Variants in RLIM observed in about 807,000 individuals in gnomAD.
RLIM encodes E3 ubiquitin-protein ligase RLIM.
A neutral mutation model predicts 34.0 loss-of-function variants in RLIM; 2 were observed. That is an observed-to-expected ratio of 0.06 (90% CI 0.02 to 0.19). The LOEUF (loss-of-function observed/expected upper bound fraction) is 0.19. RLIM is among the 10% of genes least tolerant of loss of function. The pLI is 1.00. For synonymous variants in RLIM, 169 were observed against 164.0 expected (o/e 1.03, Z -0.23); for missense variants, 286 against 479.7 (o/e 0.60, Z 3.77).
At position 74,583,911 on chromosome X, in the gene RLIM, T is replaced by G. The variant is rs769937245; in HGVS notation, c.*7529A>C. On this transcript the variant is annotated 3_prime_UTR_variant, in exon 4 of 4. Transcript: ENST00000332687. ...AAATAGAAAAATTAGCTGGGCGTGG[T>G]GGCGGGCGCCTGTAATCCCAGCTAC... is the stretch of plus-strand genomic sequence containing the variant. Among the ~76,000 whole-genome samples the G allele has an allele frequency of 9.0e-6, 1 of 110,775 alleles. No homozygotes were observed. The highest frequency in any genetic ancestry group is 3.3e-5 in the African/African-American group (1 of 30,432).
chrX:74,594,895 C>T (rs934811410), intron 2 of RLIM, among the ~76,000 whole-genome samples: 25 of 75,539 alleles, frequency 3.3e-4, no homozygotes, highest in African/African-American at 1.3e-3. Flanking sequence ...CAAGACTCTG[C>T]TTAAAAAAAA....
chrX:74,611,261 G>A (rs901573831), intron 1 of RLIM, among the ~76,000 whole-genome samples: 1 of 111,620 alleles, frequency 9.0e-6, no homozygotes, highest in Non-Finnish European at 1.9e-5. Context: ...AGGCTGGCTG[G>A]TGATTTGCTC....
chrX:74,603,750 TAA>T (rs1025932411), intron 1 of RLIM, among the ~76,000 whole-genome samples: 4 of 111,838 alleles, frequency 3.6e-5, no homozygotes, highest in African/African-American at 1.3e-4. Flanking sequence ...GCAGCTGCAC[TAA>T]GAGTAAAAAC....
chrX:74,585,596 C>T lies in RLIM; in HGVS notation c.*5844G>A, dbSNP rs1343063194. On this transcript the variant is annotated 3_prime_UTR_variant, in exon 4 of 4. Transcript: ENST00000332687. ...AAAAGATAACTATTAATAATCAAAC[C>T]AGCTTTAATATGATTGACCTTTCAA... 8.9e-6 allele frequency: 1 copy of T among 111,889 alleles called. No homozygotes were observed. The highest frequency in any genetic ancestry group is 3.2e-5 in the African/African-American group (1 of 30,799). The allele number at this position is 111,889 out of a possible 1,213,427, so 9.2% of individuals were successfully genotyped here.
In RLIM at chrX:74,592,461, A is replaced by T; in HGVS notation, c.854T>A (p.Leu285His). 1.7e-6 allele frequency: 2 copies of T among 1,212,031 alleles called. No homozygotes were observed. The highest frequency in any genetic ancestry group is 2.2e-6 in the Non-Finnish European group (2 of 895,603). Residue 285 changes from leucine to histidine, a missense_variant, in exon 4 of 4, where the codon CTT becomes CAT. Physicochemically the swap from Leu to His is moderately conservative, Grantham distance 99. This residue lies in a region of RLIM where 121 missense variants were observed against 182.4 expected (regional missense o/e 0.66). Coordinates refer to ENST00000332687, the MANE Select transcript of RLIM (RefSeq NM_016120.4). ...ISGPELLSRG[L>H]FAASGTRNAS... Reference sequence around the variant, plus strand: ...ATTTCTTGTTCCAGAAGCTGCAAAAAGACCTCTACTTAGCAACTCAGGCCC... The same window carrying T: ...ATTTCTTGTTCCAGAAGCTGCAAAATGACCTCTACTTAGCAACTCAGGCCC...
rs759074584 is a variant in RLIM at position 74,583,725 on chromosome X, C to T, written c.*7715G>A. Among the ~76,000 whole-genome samples, 1 of 111,599 alleles carries T rather than the reference C, an allele frequency of 9.0e-6. No homozygotes were observed. The highest frequency in any genetic ancestry group is 1.9e-5 in the Non-Finnish European group (1 of 53,104). ...CTTTACTGAATTTACAGTATATTAC[C>T]ATTAATCCTCCAAAAAACAAAAAAA... On this transcript the variant is annotated 3_prime_UTR_variant, in exon 4 of 4. Transcript: ENST00000332687.
At chrX:74,599,527 G>A (rs1003832014) in intron 1 of RLIM, among the ~76,000 whole-genome samples, 1 of 111,598 alleles carries the variant, frequency 9.0e-6, no homozygotes, top group Non-Finnish European at 1.9e-5. Flanking sequence ...TATATTAGGA[G>A]GTAGGGCCTT....
intron 1 of RLIM, among the ~76,000 whole-genome samples, chrX:74,602,614 G>T: frequency 8.9e-6 from 1 of 111,774 alleles, no homozygotes; most frequent in South Asian, 3.7e-4. Flanking sequence ...GCGCATGCCT[G>T]TAGTCCCAGC....
At chrX:74,603,713 CATAT>C (rs777113217) in intron 1 of RLIM, among the ~76,000 whole-genome samples, 2 of 111,377 alleles carry the variant, frequency 1.8e-5, no homozygotes, top group Non-Finnish European at 3.8e-5. Context: ...CAATTTGAAC[CATAT>C]ATGTAATTTT....
At position 74,592,472 on chromosome X, in the gene RLIM, T is replaced by C. The variant is rs1179790405; in HGVS notation, c.843A>G (p.Leu281=). The C allele has an allele frequency of 1.7e-6, 2 of 1,211,913 alleles. No homozygotes were observed. The highest frequency in any genetic ancestry group is 2.2e-5 in the Admixed American group (1 of 46,016). The change falls in exon 4 of 4, where the codon CTA becomes CTG. Residue 281 remains leucine (L), a synonymous_variant. Coordinates refer to ENST00000332687, the MANE Select transcript of RLIM (RefSeq NM_016120.4). ...CAGAAGCTGCAAAAAGACCTCTACT[T>C]AGCAACTCAGGCCCAGATATTTGCT... ...LRQQISGPEL[L]SRGLFAASGT...
intron 1 of RLIM, among the ~76,000 whole-genome samples, chrX:74,598,643 G>C (rs2079649048): frequency 9.2e-6 from 1 of 109,269 alleles, no homozygotes; most frequent in Admixed American, 9.8e-5. Flanking sequence ...GCTGGGTGTG[G>C]TGGCGGGCGC....
chrX:74,583,657 CAT>C lies in RLIM; in HGVS notation c.*7781_*7782del, dbSNP rs1156518364. 4.9e-6 allele frequency: 2 copies of C among 404,095 alleles called. No individual in the cohort carries two copies. The highest frequency in any genetic ancestry group is 8.7e-6 in the Non-Finnish European group (2 of 230,760). The allele number at this position is 404,095 out of a possible 1,213,427, so 33.3% of individuals were successfully genotyped here. A position where few individuals can be genotyped will look rare whatever the true frequency, so the allele number is the denominator to read the frequency against. On this transcript the variant is annotated 3_prime_UTR_variant, in exon 4 of 4. Transcript: ENST00000332687. ...CACTTAAACTGCTAAAATGATAGTT[CAT>C]GTTATTCATAGTGCTAAGGTGTATC... is the stretch of plus-strand genomic sequence containing the variant.
intron 1 of RLIM, among the ~76,000 whole-genome samples, chrX:74,606,346 TG>T (rs2079682138): frequency 8.9e-6 from 1 of 111,758 alleles, no homozygotes; most frequent in Non-Finnish European, 1.9e-5. Flanking sequence ...GGTCAATGAA[TG>T]GGACTGTATC....
chrX:74,595,452 G>T (rs2079635765), intron 2 of RLIM, among the ~76,000 whole-genome samples: 1 of 111,319 alleles, frequency 9.0e-6, no homozygotes, highest in Non-Finnish European at 1.9e-5. Context: ...GAAAATCAGA[G>T]ATAACAGAAT....
chrX:74,594,392 G>C lies in RLIM; in HGVS notation c.170-3C>G. 1.7e-6 allele frequency: 2 copies of C among 1,181,741 alleles called. No homozygotes were observed. Among genetic ancestry groups the C allele is most frequent in the South Asian group, 3.7e-5 (2 of 54,399 alleles). ...CAACTCTTCCTCAGTACTTTCACCT[G>C]AAATTTAACACCACAGGGCAAAGAT... On this transcript the variant is annotated splice_region_variant and splice_polypyrimidine_tract_variant and intron_variant, in intron 2 of 3. Transcript: ENST00000332687.
rs765651525 is a variant in RLIM, at chrX:74,596,005, AAAGAG to A, written c.-23-10_-23-6del. ...TGATGAACAAGTGGAAAATACCTGAAAAGAGAAAAGAGACTAATCTTGAAAATAAA... is the reference window on the plus strand; with the variant it reads ...TGATGAACAAGTGGAAAATACCTGAAAAAAGAGACTAATCTTGAAAATAAA... On this transcript the variant is annotated splice_polypyrimidine_tract_variant and splice_region_variant and intron_variant, in intron 1 of 3. Coordinates refer to ENST00000332687, the MANE Select transcript of RLIM (RefSeq NM_016120.4). 5.8e-4 allele frequency: 604 copies of A among 1,045,090 alleles called. 2 individuals are homozygous for A. The highest frequency in any genetic ancestry group is 2.6e-3 in the Middle Eastern group (10 of 3,810). 86.1% of individuals were successfully genotyped at this position (1,045,090 alleles called of 1,213,427 possible).
At chrX:74,611,547 T>C (rs2079710915) in intron 1 of RLIM, among the ~76,000 whole-genome samples, 1 of 112,155 alleles carries the variant, frequency 8.9e-6, no homozygotes, top group Admixed American at 9.5e-5. Flanking sequence ...GCCTGTGAAA[T>C]AGAACAATAA....
In RLIM at chrX:74,583,185, GA is replaced by G. The variant is rs1189965823; in HGVS notation, c.*8254del. 2.0e-5 allele frequency: 20 copies of G among 998,203 alleles called. No homozygotes were observed. Among genetic ancestry groups the G allele is most frequent in the Non-Finnish European group, 2.8e-5 (20 of 721,031 alleles). 82.3% of individuals were successfully genotyped at this position (998,203 alleles called of 1,213,427 possible). A position where few individuals can be genotyped will look rare whatever the true frequency, so the allele number is the denominator to read the frequency against. On this transcript the variant is annotated 3_prime_UTR_variant, in exon 4 of 4. Transcript: ENST00000332687. Reference sequence around the variant, plus strand: ...TACAGCTACAGCTTCATCAACCTTAGAATGGAGTGACTCTGGAGACTTGAGC... The same window carrying G: ...TACAGCTACAGCTTCATCAACCTTAGATGGAGTGACTCTGGAGACTTGAGC...
Position 74,591,309 on chromosome X carries a change from T to C in RLIM, c.*131A>G. ...AAACTGGAGAAAGGACAATGATTCC[T>C]TCAGAAAGCAATGACTCAATTCAGG... On this transcript the variant is annotated 3_prime_UTR_variant, in exon 4 of 4. Coordinates refer to ENST00000332687, the MANE Select transcript of RLIM (RefSeq NM_016120.4). 1.9e-6 allele frequency: 1 copy of C among 522,758 alleles called. No homozygotes were observed. Among genetic ancestry groups the C allele is most frequent in the South Asian group, 3.5e-5 (1 of 28,222 alleles). 43.1% of individuals were successfully genotyped at this position (522,758 alleles called of 1,213,427 possible). A position where few individuals can be genotyped will look rare whatever the true frequency, so the allele number is the denominator to read the frequency against.
Sources: gnomAD v4.1 joint callset for allele counts (sites outside exome capture counted in the v4.1 genomes callset) on GRCh38, gnomAD v4.1.1 for gene constraint, gnomAD v4.1.1 regional missense constraint, MANE v1.5 for transcripts, NCBI Gene and HGNC (gene_info 2026-07-23, HGNC 2026-07-21) for gene names.